Variants in PELI2 observed in about 807,000 individuals in gnomAD.
The protein encoded by PELI2 is E3 ubiquitin-protein ligase pellino homolog 2.
A neutral mutation model predicts 42.3 loss-of-function variants in PELI2; 23 were observed. The ratio of observed to expected loss-of-function variants is 0.54; its 90% CI spans 0.39 to 0.77. The LOEUF is 0.77. Ranked by LOEUF, PELI2 falls within the 30% of genes least tolerant of loss-of-function variation. The pLI, the probability that PELI2 is intolerant of heterozygous loss-of-function variation, is 0.00. For missense variants in PELI2, 463 were observed against 553.2 expected (o/e 0.84, Z 1.64); for synonymous variants, 245 against 212.2 (o/e 1.15, Z -1.34).
At position 56,299,064 on chromosome 14, in the gene PELI2, G is replaced by A. The variant is rs1425487468; in HGVS notation, c.*1898G>A. Reference sequence around the variant, plus strand: ...ATGTCTTTTCAGCCTGTAATTCTTTGGGCCCCAAAGAATGACAAAGGAGGC... The same window carrying A: ...ATGTCTTTTCAGCCTGTAATTCTTTAGGCCCCAAAGAATGACAAAGGAGGC... On this transcript the variant is annotated 3_prime_UTR_variant, in exon 6 of 6. Transcript: ENST00000267460. The A allele has an allele frequency of 6.6e-6, 1 of 152,022 alleles. No homozygotes were observed. The highest frequency in any genetic ancestry group is 1.9e-4 in the East Asian group (1 of 5,182). 9.4% of individuals were successfully genotyped at this position (152,022 alleles called of 1,614,324 possible).
At chr14:56,138,764 C>T (rs1207992353) in intron 1 of PELI2, among the ~76,000 whole-genome samples, 3 of 152,160 alleles carry the variant, frequency 2.0e-5, no homozygotes, top group Non-Finnish European at 4.4e-5. Context: ...ACATTGTTTT[C>T]GCATATTGTC....
At chr14:56,166,206 A>G (rs914507421) in intron 1 of PELI2, among the ~76,000 whole-genome samples, 13 of 152,330 alleles carry the variant, frequency 8.5e-5, no homozygotes, top group African/African-American at 3.1e-4. Flanking sequence ...TTTTAACCCA[A>G]TAACAACCAC....
chr14:56,132,660 C>G (rs1027523393), intron 1 of PELI2, among the ~76,000 whole-genome samples: 1 of 152,156 alleles, frequency 6.6e-6, no homozygotes, highest in African/African-American at 2.4e-5. Flanking sequence ...GACAATAGAG[C>G]TCATCTCCCT....
At chr14:56,156,291 C>G (rs1208160179) in intron 1 of PELI2, among the ~76,000 whole-genome samples, 2 of 152,008 alleles carry the variant, frequency 1.3e-5, no homozygotes, top group Non-Finnish European at 2.9e-5. Flanking sequence ...AATGCTTCAA[C>G]CCCAAGCAAA....
chr14:56,260,882 G>A (rs1275348107), intron 2 of PELI2, among the ~76,000 whole-genome samples: 2 of 152,156 alleles, frequency 1.3e-5, no homozygotes, highest in African/African-American at 4.8e-5. Context: ...GAATAACCGG[G>A]AGAGTAAAGA....
At chr14:56,274,673 G>T (rs1370402948) in intron 2 of PELI2, among the ~76,000 whole-genome samples, 1 of 152,162 alleles carries the variant, frequency 6.6e-6, no homozygotes, top group African/African-American at 2.4e-5. Flanking sequence ...GTTGAAGCAG[G>T]ACAGCCAGTT....
At chr14:56,125,795 G>T (rs1222835505) in intron 1 of PELI2, among the ~76,000 whole-genome samples, 1 of 152,128 alleles carries the variant, frequency 6.6e-6, no homozygotes, top group African/African-American at 2.4e-5. Flanking sequence ...TGCCCCTTGA[G>T]GGTAGGAACC....
intron 2 of PELI2, among the ~76,000 whole-genome samples, chr14:56,179,937 T>C (rs890770596): frequency 2.0e-5 from 3 of 152,228 alleles, no homozygotes; most frequent in Non-Finnish European, 4.4e-5. Context: ...TATAGAAATA[T>C]TGCTTTGATT....
intron 2 of PELI2, among the ~76,000 whole-genome samples, chr14:56,272,119 G>A (rs1435418608): frequency 1.3e-5 from 2 of 152,186 alleles, no homozygotes; most frequent in African/African-American, 2.4e-5. Context: ...AGACTATGCA[G>A]AGTGTGCTCA....
intron 2 of PELI2, among the ~76,000 whole-genome samples, chr14:56,195,403 C>A (rs1000654232): frequency 1.3e-5 from 2 of 152,170 alleles, no homozygotes; most frequent in African/African-American, 4.8e-5. Flanking sequence ...GCTTCCCCTT[C>A]CTGTGAGCAG....
chr14:56,146,773 A>G (rs1467396324), intron 1 of PELI2, among the ~76,000 whole-genome samples: 1 of 152,010 alleles, frequency 6.6e-6, no homozygotes, highest in Non-Finnish European at 1.5e-5. Flanking sequence ...ACATTATAAG[A>G]TAAAGGTCTT....
chr14:56,268,964 C>T (rs185769768), intron 2 of PELI2, among the ~76,000 whole-genome samples: 20 of 152,234 alleles, frequency 1.3e-4, no homozygotes, highest in African/African-American at 4.3e-4. Context: ...AAAACTGAGA[C>T]GAAAAGGCAG....
chr14:56,198,010 A>ACACACCCACC (rs772024884), intron 2 of PELI2, among the ~76,000 whole-genome samples: 2 of 114,714 alleles, frequency 1.7e-5, no homozygotes, highest in Middle Eastern at 5.4e-3. Flanking sequence ...ACACACACAC[A>ACACACCCACC]CACCCACCTC....
intron 2 of PELI2, among the ~76,000 whole-genome samples, chr14:56,192,656 CT>C (rs1175033773): frequency 3.9e-5 from 6 of 152,178 alleles, no homozygotes; most frequent in African/African-American, 1.4e-4. Context: ...GATTGAAATT[CT>C]AACTCTTCTT....
At chr14:56,291,637 T>C (rs117658249) in intron 5 of PELI2, among the ~76,000 whole-genome samples, 4,317 of 152,348 alleles carry the variant, frequency 0.028, 184 homozygotes, top group South Asian at 0.23. Flanking sequence ...GATAGTTTTA[T>C]ACAAAACTGA....
At chr14:56,279,184 A>T (rs1049570679) in intron 2 of PELI2, among the ~76,000 whole-genome samples, 2 of 152,194 alleles carry the variant, frequency 1.3e-5, no homozygotes, top group Non-Finnish European at 2.9e-5. Flanking sequence ...ATTGGCTAGG[A>T]CGGTGTATTA....
intron 2 of PELI2, among the ~76,000 whole-genome samples, chr14:56,263,402 A>T (rs1888792126): frequency 6.6e-6 from 1 of 152,160 alleles, no homozygotes; most frequent in South Asian, 2.1e-4. Flanking sequence ...ATTTCAGCCA[A>T]AAAAAAGAGG....
intron 2 of PELI2, among the ~76,000 whole-genome samples, chr14:56,268,612 A>G (rs1888990719): frequency 6.6e-6 from 1 of 152,222 alleles, no homozygotes. Context: ...ATCTGGAAAC[A>G]TAAAATGTTC....
intron 2 of PELI2, among the ~76,000 whole-genome samples, chr14:56,258,986 A>G (rs917292782): frequency 6.6e-6 from 1 of 152,108 alleles, no homozygotes; most frequent in Admixed American, 6.6e-5. Flanking sequence ...ATGCACAGAG[A>G]AACAAAATTA....
Sources: gnomAD v4.1 joint callset for allele counts (sites outside exome capture counted in the v4.1 genomes callset) on GRCh38, gnomAD v4.1.1 for gene constraint, MANE v1.5 for transcripts, NCBI Gene and HGNC (gene_info 2026-07-23, HGNC 2026-07-21) for gene names.